Variants in ADGRA2 observed in about 807,000 individuals in gnomAD.
The protein encoded by ADGRA2 is adhesion G protein-coupled receptor A2.
A neutral mutation model predicts 98.7 loss-of-function variants in ADGRA2; 61 were observed. The observed-to-expected ratio is 0.62, with a 90% CI of 0.50 to 0.76. The LOEUF (loss-of-function observed/expected upper bound fraction) is 0.76. Among genes scored for constraint, ADGRA2 ranks in the 30% least tolerant of loss-of-function variants. The pLI is 0.00. For missense variants in ADGRA2, 1,712 were observed against 1,860.0 expected, an observed-to-expected ratio of 0.92 and a Z score of 1.46; for synonymous variants, 858 against 831.5, an observed-to-expected ratio of 1.03 and a Z score of -0.55.
intron 16 of ADGRA2, 128 bp downstream of exon 16, chr8:37,839,750 T>A: frequency 8.4e-7 from 1 of 1,184,828 alleles, no homozygotes; most frequent in Non-Finnish European, 1.2e-6. Flanking sequence ...GCTTCCTCTG[T>A]GGCAGCCTTG....
chr8:37,834,641 C>T lies in ADGRA2; in HGVS notation c.1608+513C>T, dbSNP rs1805554323. 6.6e-6 allele frequency among the ~76,000 whole-genome samples: 1 copy of T among 152,172 alleles called. No homozygotes were observed. Among genetic ancestry groups the T allele is most frequent in the South Asian group, 2.1e-4 (1 of 4,830 alleles). ...AAGAGGTGAGCAAGAAGCCTGTAAT[C>T]CCAGCACGTTGGGAGGCCGATACAG... is the stretch of plus-strand genomic sequence containing the variant. On this transcript the variant is annotated intron_variant, in intron 11 of 18. Coordinates refer to ENST00000412232, the MANE Select transcript of ADGRA2 (RefSeq NM_032777.10). The surrounding 1 kb of genome is among the most constrained non-coding windows in gnomAD (Gnocchi z 4.2).
intron 1 of ADGRA2, among the ~76,000 whole-genome samples, chr8:37,798,508 G>T (rs1371767895): frequency 2.6e-5 from 4 of 152,204 alleles, no homozygotes; most frequent in Non-Finnish European, 5.9e-5. Flanking sequence ...CCACCGCAGA[G>T]ATTTCCTGCG....
intron 18 of ADGRA2, 103 bp downstream of exon 18, chr8:37,840,952 C>T (rs1295022538): frequency 9.5e-6 from 11 of 1,156,940 alleles, no homozygotes; most frequent in East Asian, 4.9e-5. Flanking sequence ...CATAACCCAA[C>T]CCAAGCCCAT....
At chr8:37,823,001 C>T (rs2129978298) in intron 2 of ADGRA2, among the ~76,000 whole-genome samples, 1 of 151,632 alleles carries the variant, frequency 6.6e-6, no homozygotes, top group African/African-American at 2.4e-5. Context: ...AAGCGATTCT[C>T]CTGCCTCAGC....
chr8:37,814,774 T>G lies in ADGRA2; in HGVS notation c.267-122T>G, dbSNP rs1804930772. 2 of 722,024 alleles carry G rather than the reference T, an allele frequency of 2.8e-6. No homozygotes were observed. The highest frequency in any genetic ancestry group is 5.0e-6 in the Non-Finnish European group (2 of 397,378). The allele number at this position is 722,024 out of a possible 1,614,324, so 44.7% of individuals were successfully genotyped here. On this transcript the variant is annotated intron_variant, in intron 1 of 18. Transcript: ENST00000412232. The surrounding 1 kb of genome is among the most constrained non-coding windows in gnomAD (Gnocchi z 4.3). ...TCCGGAAGTAGAGGGTGGGGGCTGC[T>G]GCCTCGCACAACTCCAGGGGGCGCC...
Position 37,833,674 on chromosome 8 carries a change from C to CCCCCAATCCCCCCAATCCCCAAT in ADGRA2, c.1297-3_1297-2insCCAATCCCCAATCCCCAATCCCC. On this transcript the variant is annotated splice_polypyrimidine_tract_variant and intron_variant, in intron 9 of 18. Transcript: ENST00000412232. ...AACAGGCGAGATGATCCTCTCTCTTCCCCCAATCCCCAGATGCCCATCAAT... is the reference window on the plus strand; with the variant it reads ...AACAGGCGAGATGATCCTCTCTCTTCCCCCAATCCCCCCAATCCCCAATCCCCAATCCCCAGATGCCCATCAAT... 1 of 1,613,316 alleles carries CCCCCAATCCCCCCAATCCCCAAT rather than the reference C, an allele frequency of 6.2e-7. No individual in the cohort carries two copies. Among genetic ancestry groups the CCCCCAATCCCCCCAATCCCCAAT allele is most frequent in the South Asian group, 1.1e-5 (1 of 91,038 alleles).
Position 37,842,549 on chromosome 8 carries a change from C to A in ADGRA2, c.*194C>A. On this transcript the variant is annotated 3_prime_UTR_variant, in exon 19 of 19. Coordinates refer to ENST00000412232, the MANE Select transcript of ADGRA2 (RefSeq NM_032777.10). ...GTAGCGACAGACAATCCCAGAAACA[C>A]GCATAATACATTTCCGTCCAGCCCG... 1 of 945,656 alleles carries A rather than the reference C, an allele frequency of 1.1e-6. No homozygotes were observed. The highest frequency in any genetic ancestry group is 1.4e-6 in the Non-Finnish European group (1 of 694,832). The allele number at this position is 945,656 out of a possible 1,614,324, so 58.6% of individuals were successfully genotyped here.
chr8:37,829,076 C>T, intron 3 of ADGRA2, 117 bp downstream of exon 3: 1 of 816,908 alleles, frequency 1.2e-6, no homozygotes, highest in Non-Finnish European at 1.9e-6. Flanking sequence ...CTCCTTTCCG[C>T]TTGGGTGCCT....
intron 1 of ADGRA2, among the ~76,000 whole-genome samples, chr8:37,806,103 G>C (rs762882024): frequency 2.0e-5 from 3 of 152,046 alleles, no homozygotes; most frequent in Non-Finnish European, 4.4e-5. Context: ...GTCAGTTGGG[G>C]GTAATTTCCC....
intron 1 of ADGRA2, among the ~76,000 whole-genome samples, chr8:37,804,100 G>GACACACACACACACAGAC (rs1804581849): frequency 3.7e-5 from 4 of 107,104 alleles, no homozygotes; most frequent in Non-Finnish European, 7.4e-5. Flanking sequence ...CCCACGGTGA[G>GACACACACACACACAGAC]ACACACACAC....
rs1330252209 is a variant in ADGRA2 at position 37,842,512 on chromosome 8, C to T, written c.*157C>T. ...GGATGTTCCCCACTTGCCTAGAGGG[C>T]ATCCCTCTGGGGTAGCGACAGACAA... is the stretch of plus-strand genomic sequence containing the variant. On this transcript the variant is annotated 3_prime_UTR_variant, in exon 19 of 19. Coordinates refer to ENST00000412232, the MANE Select transcript of ADGRA2 (RefSeq NM_032777.10). 3.3e-6 allele frequency: 4 copies of T among 1,220,082 alleles called. No individual in the cohort carries two copies. Among genetic ancestry groups the T allele is most frequent in the East Asian group, 3.1e-5 (1 of 32,500 alleles). 75.6% of individuals were successfully genotyped at this position (1,220,082 alleles called of 1,614,324 possible).
Position 37,841,469 on chromosome 8 carries a change from G to T in ADGRA2, c.3131G>T (p.Trp1044Leu). ...GGGGCTCTGGCAGTGTCCCAGCGCTGGCTGCCCCGGGTGGTGTGCAGCTGC... is the reference window on the plus strand; with the variant it reads ...GGGGCTCTGGCAGTGTCCCAGCGCTTGCTGCCCCGGGTGGTGTGCAGCTGC... ...ACGALAVSQR[W>L]LPRVVCSCLY... Residue 1044 changes from tryptophan to leucine, a missense_variant, in exon 19 of 19, where the codon TGG (tryptophan) becomes TTG (leucine). Trp to Leu is a moderately conservative substitution (Grantham distance 61, BLOSUM62 -2). Transcript: ENST00000412232. The surrounding 1 kb of genome is among the most constrained non-coding windows in gnomAD (Gnocchi z 5.0). The T allele has an allele frequency of 1.2e-6, 2 of 1,612,946 alleles. No individual in the cohort carries two copies. The highest frequency in any genetic ancestry group is 1.7e-6 in the Non-Finnish European group (2 of 1,179,856).
At position 37,842,307 on chromosome 8, in the gene ADGRA2, C is replaced by T; in HGVS notation, c.3969C>T (p.Ser1323=). The T allele has an allele frequency of 6.5e-7, 1 of 1,543,548 alleles. No individual in the cohort carries two copies. The highest frequency in any genetic ancestry group is 8.7e-7 in the Non-Finnish European group (1 of 1,150,886). The change falls in exon 19 of 19, where the codon AGC becomes AGT. Residue 1323 remains serine, a synonymous_variant. Coordinates refer to ENST00000412232, the MANE Select transcript of ADGRA2 (RefSeq NM_032777.10). ...CCCTGATGGGCGCGGAGGTAGCCAG[C>T]GGCGGCTGCATGAAGACCGGACTCT... ...DVTLMGAEVA[S]GGCMKTGLWK...
chr8:37,822,995 G>A (rs1037043463), intron 2 of ADGRA2, among the ~76,000 whole-genome samples: 3 of 151,152 alleles, frequency 2.0e-5, no homozygotes, highest in Non-Finnish European at 2.9e-5. Context: ...GAGTTCAAGC[G>A]ATTCTCCTGC....
At chr8:37,831,622 GC>G (rs745917677) in intron 8 of ADGRA2, 35 bp downstream of exon 8, 6 of 1,597,772 alleles carry the variant, frequency 3.8e-6, no homozygotes, top group Non-Finnish European at 3.4e-6. Flanking sequence ...GGGCTGCCCA[GC>G]CCCCAACCCC....
intron 2 of ADGRA2, among the ~76,000 whole-genome samples, chr8:37,825,660 T>G (rs1805257726): frequency 6.6e-6 from 1 of 151,944 alleles, no homozygotes; most frequent in South Asian, 2.1e-4. Context: ...TTCAAAAGGA[T>G]GTGCTAAGAA....
intron 1 of ADGRA2, among the ~76,000 whole-genome samples, chr8:37,806,592 C>T (rs1386422431): frequency 7.0e-6 from 1 of 141,860 alleles, no homozygotes; most frequent in Non-Finnish European, 1.5e-5. Flanking sequence ...TGCAGTGGCA[C>T]GATCTTGGCT....
In ADGRA2 at chr8:37,811,134, A is replaced by C. The variant is rs1265188403; in HGVS notation, c.267-3762A>C. ...GTCTCAAAAACAAAAAAAAAAAAAA[A>C]AAAAAAGAACTTTTATACTGTGTGT... On this transcript the variant is annotated intron_variant, in intron 1 of 18. Coordinates refer to ENST00000412232, the MANE Select transcript of ADGRA2 (RefSeq NM_032777.10). 3.9e-3 allele frequency among the ~76,000 whole-genome samples: 572 copies of C among 148,058 alleles called. 10 individuals are homozygous for C. Among genetic ancestry groups the C allele is most frequent in the African/African-American group, 0.014 (549 of 40,488 alleles).
At chr8:37,838,874 G>A (rs1271285216) in intron 14 of ADGRA2, 82 bp from the exon 15 acceptor site, 38 of 1,474,430 alleles carry the variant, frequency 2.6e-5, no homozygotes, top group African/African-American at 5.7e-5. Context: ...CAAGGCTGAC[G>A]GGGCCTGGGA....
Sources: gnomAD v4.1 joint callset for allele counts (sites outside exome capture counted in the v4.1 genomes callset) on GRCh38, gnomAD v4.1.1 for gene constraint, Gnocchi (gnomAD v3.1) non-coding constraint, MANE v1.5 for transcripts, NCBI Gene and HGNC (gene_info 2026-07-23, HGNC 2026-07-21) for gene names.